TMEM131L: variants seen among roughly 807,000 people sequenced by gnomAD.
TMEM131L encodes transmembrane protein 131-like.
In TMEM131L, 54 loss-of-function variants were observed where a neutral mutation model predicts 192.2. That is an observed-to-expected ratio of 0.28 (90% confidence interval 0.23 to 0.35). TMEM131L has a LOEUF of 0.35. TMEM131L is among the 10% of genes least tolerant of loss of function. The probability of loss-of-function intolerance (pLI) is 1.00; values close to 1 mark genes in which losing one functional copy is unlikely to be tolerated. For synonymous variants in TMEM131L, 701 were observed against 704.9 expected (o/e 0.99, Z 0.09); for missense variants, 1,888 against 1,972.9 (o/e 0.96, Z 0.82).
chr4:153,621,951 T>G, intron 28 of TMEM131L, 102 bp downstream of exon 28: 2 of 1,111,150 alleles, frequency 1.8e-6, no homozygotes, highest in Non-Finnish European at 2.6e-6. Flanking sequence ...ATTTTATCTC[T>G]ACAGGCAACT....
intron 7 of TMEM131L, among the ~76,000 whole-genome samples, chr4:153,579,136 G>A (rs1046086143): frequency 2.8e-4 from 42 of 152,178 alleles, no homozygotes; most frequent in Middle Eastern, 6.8e-3. Flanking sequence ...TGAGGTGGGT[G>A]GATTGCTTGA....
chr4:153,629,193 G>A (rs941157654), intron 31 of TMEM131L, among the ~76,000 whole-genome samples: 1 of 152,146 alleles, frequency 6.6e-6, no homozygotes, highest in East Asian at 1.9e-4. Flanking sequence ...GTGTCCTCCC[G>A]CCCTGCCCCT....
intron 3 of TMEM131L, among the ~76,000 whole-genome samples, chr4:153,500,094 C>T (rs1733488982): frequency 6.6e-6 from 1 of 152,080 alleles, no homozygotes. Flanking sequence ...CCCATCCCTC[C>T]CTCCCTTCTT....
intron 21 of TMEM131L, among the ~76,000 whole-genome samples, chr4:153,599,279 G>A (rs1731661115): frequency 1.3e-5 from 2 of 152,162 alleles, no homozygotes; most frequent in Non-Finnish European, 2.9e-5. Flanking sequence ...ACAGCATTGC[G>A]GGAGTCGGGG....
intron 25 of TMEM131L, among the ~76,000 whole-genome samples, chr4:153,605,797 A>T (rs1007073096): frequency 6.6e-6 from 1 of 152,224 alleles, no homozygotes; most frequent in Non-Finnish European, 1.5e-5. Flanking sequence ...ACTACTTCTG[A>T]TGAGCTTTTA....
chr4:153,480,817 C>T (rs1042266346), intron 3 of TMEM131L, among the ~76,000 whole-genome samples: 3 of 152,162 alleles, frequency 2.0e-5, no homozygotes, highest in South Asian at 2.1e-4. Flanking sequence ...CTTTAGCTTG[C>T]AGGTGCCACA....
rs1340359212 is a variant in TMEM131L at position 153,567,224 on chromosome 4, GAA to G, written c.660+8860_660+8861del. The stretch of plus-strand genomic sequence containing the variant: ...ATACCTGATCTAGGATTTGAAGATG[GAA>G]AAAGAGATAACAGAGAAAGGTTAAG... On this transcript the variant is annotated intron_variant, in intron 7 of 34. Coordinates refer to ENST00000409959, the MANE Select transcript of TMEM131L (RefSeq NM_001131007.2). Among the ~76,000 whole-genome samples, 5 of 152,270 alleles carry G rather than the reference GAA, an allele frequency of 3.3e-5. No homozygotes were observed. In the South Asian group the frequency reaches 1.0e-3, roughly 32 times the overall value.
At chr4:153,501,046 G>A (rs1733570045) in intron 3 of TMEM131L, among the ~76,000 whole-genome samples, 1 of 152,164 alleles carries the variant, frequency 6.6e-6, no homozygotes, top group East Asian at 1.9e-4. Context: ...GATGAAAGTG[G>A]AAGATTAACA....
intron 3 of TMEM131L, among the ~76,000 whole-genome samples, chr4:153,495,513 A>G (rs996017089): frequency 2.6e-5 from 4 of 152,122 alleles, no homozygotes; most frequent in African/African-American, 9.7e-5. Context: ...GGTAAGAGAG[A>G]AAAGGTTGCA....
chr4:153,582,220 T>G (rs1001789915), intron 9 of TMEM131L, among the ~76,000 whole-genome samples: 3 of 151,828 alleles, frequency 2.0e-5, no homozygotes, highest in African/African-American at 7.3e-5. Context: ...TTCTTTGGGT[T>G]TTTTTGTTTG....
At chr4:153,635,347 C>A in intron 33 of TMEM131L, 85 bp from the exon 34 acceptor site, 6 of 1,312,706 alleles carry the variant, frequency 4.6e-6, no homozygotes, top group Non-Finnish European at 6.5e-6. Context: ...TATAGTGAGA[C>A]CTTGAAAGCT....
At chr4:153,573,376 C>T (rs1729721696) in intron 7 of TMEM131L, among the ~76,000 whole-genome samples, 1 of 152,236 alleles carries the variant, frequency 6.6e-6, no homozygotes, top group Admixed American at 6.5e-5. Flanking sequence ...TGTTTCAGGG[C>T]CTGTGCCAGA....
intron 7 of TMEM131L, among the ~76,000 whole-genome samples, chr4:153,563,055 T>C (rs1728946954): frequency 1.3e-5 from 2 of 152,224 alleles, no homozygotes; most frequent in Admixed American, 6.5e-5. Context: ...GTATAATTCA[T>C]TGAATATTTA....
intron 26 of TMEM131L, among the ~76,000 whole-genome samples, chr4:153,614,349 G>A (rs1408713433): frequency 1.3e-5 from 2 of 152,220 alleles, no homozygotes; most frequent in African/African-American, 4.8e-5. Context: ...TAGGAAGGTG[G>A]TGGTATCCGT....
chr4:153,616,916 C>T (rs1196831608), intron 26 of TMEM131L, among the ~76,000 whole-genome samples: 1 of 152,156 alleles, frequency 6.6e-6, no homozygotes, highest in Non-Finnish European at 1.5e-5. Context: ...TTTTTACTTT[C>T]ATAAATAAGT....
chr4:153,593,650 C>T (rs1487987439), intron 18 of TMEM131L, 149 bp from the exon 19 acceptor site: 3 of 596,964 alleles, frequency 5.0e-6, no homozygotes, highest in Non-Finnish European at 9.3e-6. Context: ...GGTGGAATGT[C>T]GGGTGGACAG....
chr4:153,530,261 A>G (rs1398229153), intron 3 of TMEM131L, among the ~76,000 whole-genome samples: 1 of 152,194 alleles, frequency 6.6e-6, no homozygotes, highest in Non-Finnish European at 1.5e-5. Context: ...CTGATAGTTT[A>G]AGTGTCATTA....
chr4:153,539,555 T>G (rs1736612239), intron 3 of TMEM131L, among the ~76,000 whole-genome samples: 1 of 148,940 alleles, frequency 6.7e-6, no homozygotes, highest in Non-Finnish European at 1.5e-5. Flanking sequence ...TAATGACATA[T>G]TGTCTGGGTA....
intron 3 of TMEM131L, among the ~76,000 whole-genome samples, chr4:153,535,647 A>G (rs1289628283): frequency 6.6e-6 from 1 of 152,084 alleles, no homozygotes; most frequent in African/African-American, 2.4e-5. Flanking sequence ...AAAAGAAATA[A>G]CTATAAGCTG....
Sources: gnomAD v4.1 joint callset for allele counts (sites outside exome capture counted in the v4.1 genomes callset) on GRCh38, gnomAD v4.1.1 for gene constraint, MANE v1.5 for transcripts, NCBI Gene and HGNC (gene_info 2026-07-23, HGNC 2026-07-21) for gene names.